The following IL1RAPL2 variants were observed in gnomAD, a reference collection of about 807,000 sequenced individuals.
The protein encoded by IL1RAPL2 is X-linked interleukin-1 receptor accessory protein-like 2.
IL1RAPL2 carries 3 observed loss-of-function variants against 44.1 expected under a neutral mutation model. The ratio of observed to expected loss-of-function variants is 0.07; its 90% CI spans 0.03 to 0.18. The LOEUF (loss-of-function observed/expected upper bound fraction) is 0.18, where lower values mean the gene tolerates loss of function less well. Ranked by LOEUF, IL1RAPL2 falls within the 10% of genes least tolerant of loss-of-function variation. The pLI, the probability that IL1RAPL2 is intolerant of heterozygous loss-of-function variation, is 1.00. For missense variants in IL1RAPL2, 391 were observed against 496.4 expected (o/e 0.79, Z 2.02); for synonymous variants, 181 against 178.8 (o/e 1.01, Z -0.10).
At chrX:105,044,066 A>G (rs904495889) in intron 2 of IL1RAPL2, among the ~76,000 whole-genome samples, 2 of 111,641 alleles carry the variant, frequency 1.8e-5, no homozygotes, top group Non-Finnish European at 3.8e-5. Context: ...TGCTCAGGCC[A>G]CTAAATGCAT....
At chrX:104,917,442 A>G (rs1285220142) in intron 2 of IL1RAPL2, among the ~76,000 whole-genome samples, 2 of 111,838 alleles carry the variant, frequency 1.8e-5, no homozygotes, top group Non-Finnish European at 3.8e-5. Context: ...TACAAATGAA[A>G]CTAGGAGTTT....
intron 7 of IL1RAPL2, among the ~76,000 whole-genome samples, chrX:105,726,981 A>G (rs1179277004): frequency 9.0e-6 from 1 of 110,882 alleles, no homozygotes; most frequent in Non-Finnish European, 1.9e-5. Flanking sequence ...TAATGCTTTA[A>G]TGGGGAGGGG....
chrX:104,635,844 G>A (rs953500142), intron 1 of IL1RAPL2, among the ~76,000 whole-genome samples: 6 of 111,703 alleles, frequency 5.4e-5, no homozygotes, highest in East Asian at 2.8e-4. Context: ...CTCTCAACTC[G>A]TCAAAGTCAT....
At chrX:105,431,030 CA>C (rs2035843786) in intron 5 of IL1RAPL2, among the ~76,000 whole-genome samples, 2 of 112,196 alleles carry the variant, frequency 1.8e-5, no homozygotes, top group South Asian at 7.3e-4. Context: ...CTAGCTATTT[CA>C]GTAAAACTTA....
intron 6 of IL1RAPL2, among the ~76,000 whole-genome samples, chrX:105,570,820 T>C (rs1049288710): frequency 4.5e-5 from 5 of 111,390 alleles, no homozygotes; most frequent in African/African-American, 1.6e-4. Context: ...TGAATTGAAG[T>C]AGAGGAGAAG....
intron 6 of IL1RAPL2, among the ~76,000 whole-genome samples, chrX:105,626,906 G>A (rs901740374): frequency 3.6e-5 from 4 of 111,527 alleles, no homozygotes; most frequent in Non-Finnish European, 7.5e-5. Context: ...TGTATAGCCT[G>A]CAGATTCTTG....
At chrX:105,529,219 G>A (rs1247001665) in intron 6 of IL1RAPL2, among the ~76,000 whole-genome samples, 1 of 111,059 alleles carries the variant, frequency 9.0e-6, no homozygotes, top group Non-Finnish European at 1.9e-5. Context: ...CATGATTTCT[G>A]TTTTTTCCTT....
rs771847282 is a variant in IL1RAPL2, at chrX:105,253,264, C to A, written c.544-14124C>A. Among the ~76,000 whole-genome samples, 91 of 111,266 alleles carry A rather than the reference C, an allele frequency of 8.2e-4. No homozygotes were observed. The Middle Eastern group carries it at 0.014, about 17-fold the overall frequency. On this transcript the variant is annotated intron_variant, in intron 4 of 10. Transcript: ENST00000372582. ...TTTTTTCCATTCTTCTCTCTCCTTCCTTTTCTTGTTGGGAAGTTTCTATTG... is the reference window on the plus strand; with the variant it reads ...TTTTTTCCATTCTTCTCTCTCCTTCATTTTCTTGTTGGGAAGTTTCTATTG...
At position 104,630,858 on chromosome X, in the gene IL1RAPL2, C is replaced by CT. The variant is rs1405718467; in HGVS notation, c.-19-28034dup. On this transcript the variant is annotated intron_variant, in intron 1 of 10. Coordinates refer to ENST00000372582, the MANE Select transcript of IL1RAPL2 (RefSeq NM_017416.2). ...TTTCAAGCTTCTTTTTTTTATTATACTTTAAGTTTTAGGGTACATGGGCAC... is the reference window on the plus strand; with the variant it reads ...TTTCAAGCTTCTTTTTTTTATTATACTTTTAAGTTTTAGGGTACATGGGCAC... Among the ~76,000 whole-genome samples the CT allele has an allele frequency of 7.6e-5, 8 of 105,906 alleles. No homozygotes were observed. In the South Asian group the frequency reaches 1.7e-3, roughly 22 times the overall value. The allele number at this position is 105,906 out of a possible 115,157, so 92.0% of individuals were successfully genotyped here. A position where few individuals can be genotyped will look rare whatever the true frequency, so the allele number is the denominator to read the frequency against.
chrX:105,176,026 A>G (rs2033470351), intron 2 of IL1RAPL2, among the ~76,000 whole-genome samples: 1 of 111,269 alleles, frequency 9.0e-6, no homozygotes, highest in Admixed American at 9.6e-5. Context: ...TAATGGGTGC[A>G]GAGTAATTAT....
intron 2 of IL1RAPL2, among the ~76,000 whole-genome samples, chrX:104,701,559 T>C (rs775720277): frequency 1.2e-3 from 130 of 112,174 alleles, no homozygotes; most frequent in African/African-American, 4.0e-3. Flanking sequence ...CTGATGTCTC[T>C]AGAAAAACCA....
At chrX:104,747,696 G>C in intron 2 of IL1RAPL2, among the ~76,000 whole-genome samples, 1 of 111,142 alleles carries the variant, frequency 9.0e-6, no homozygotes. Context: ...AAAGAGCATT[G>C]GAGGCATGGG....
intron 6 of IL1RAPL2, among the ~76,000 whole-genome samples, chrX:105,681,868 C>T (rs1204126365): frequency 5.4e-5 from 6 of 111,959 alleles, no homozygotes; most frequent in Admixed American, 1.9e-4. Flanking sequence ...AATCCTTTTC[C>T]ATGAGGCTCT....
intron 6 of IL1RAPL2, among the ~76,000 whole-genome samples, chrX:105,710,300 T>A: frequency 9.1e-6 from 1 of 109,314 alleles, no homozygotes; most frequent in Non-Finnish European, 1.9e-5. Context: ...CTCAGATTAA[T>A]TAGCTTTGGT....
At chrX:104,760,604 T>G in intron 2 of IL1RAPL2, among the ~76,000 whole-genome samples, 1 of 112,338 alleles carries the variant, frequency 8.9e-6, no homozygotes, top group African/African-American at 3.2e-5. Context: ...TCTATTCAAA[T>G]ATTTTACCCA....
Position 105,097,330 on chromosome X carries a change from C to CA in IL1RAPL2, c.83-98121dup, listed in dbSNP as rs201390547. Among the ~76,000 whole-genome samples the CA allele has an allele frequency of 5.5e-3, 239 of 43,087 alleles. 3 individuals are homozygous for CA. Among genetic ancestry groups the CA allele is most frequent in the Middle Eastern group, 0.032 (2 of 63 alleles). The allele number at this position is 43,087 out of a possible 115,157, so 37.4% of individuals were successfully genotyped here. ...TGACAGAGCGAGACTCAGTGTCAGA[C>CA]AAAAAAAAAAAAAAAAAAAAAAAAC... On this transcript the variant is annotated intron_variant, in intron 2 of 10. Coordinates refer to ENST00000372582, the MANE Select transcript of IL1RAPL2 (RefSeq NM_017416.2).
chrX:105,549,370 C>G (rs2036833162), intron 6 of IL1RAPL2, among the ~76,000 whole-genome samples: 1 of 111,970 alleles, frequency 8.9e-6, no homozygotes, highest in South Asian at 3.7e-4. Context: ...TAACCTTCAT[C>G]TAATTTTTCC....
At chrX:105,031,970 G>C (rs113061469) in intron 2 of IL1RAPL2, among the ~76,000 whole-genome samples, 1 of 111,261 alleles carries the variant, frequency 9.0e-6, no homozygotes, top group Non-Finnish European at 1.9e-5. Flanking sequence ...TGTATGTGTC[G>C]AGGAATTTAT....
chrX:104,925,262 A>G (rs1924747951), intron 2 of IL1RAPL2, among the ~76,000 whole-genome samples: 1 of 108,762 alleles, frequency 9.2e-6, no homozygotes, highest in Non-Finnish European at 1.9e-5. Context: ...TTCACAGCCA[A>G]ATTCTACCAA....
Sources: gnomAD v4.1 joint callset for allele counts (sites outside exome capture counted in the v4.1 genomes callset) on GRCh38, gnomAD v4.1.1 for gene constraint, MANE v1.5 for transcripts, NCBI Gene and HGNC (gene_info 2026-07-23, HGNC 2026-07-21) for gene names.